The following VPS13A variants were observed in gnomAD, a reference collection of about 807,000 sequenced individuals.
VPS13A encodes intermembrane lipid transfer protein VPS13A.
VPS13A carries 264 observed loss-of-function variants against 390.9 expected under a neutral mutation model. The ratio of observed to expected loss-of-function variants is 0.68; its 90% CI spans 0.61 to 0.75. The LOEUF is 0.75. VPS13A is among the 30% of genes least tolerant of loss of function. The probability of loss-of-function intolerance (pLI) is 0.00; values close to 1 mark genes in which losing one functional copy is unlikely to be tolerated. For synonymous variants in VPS13A, 1,231 were observed against 1,227.1 expected, an observed-to-expected ratio of 1.00 and a Z score of -0.07; for missense variants, 3,409 against 3,733.9, an observed-to-expected ratio of 0.91 and a Z score of 2.27.
intron 68 of VPS13A, among the ~76,000 whole-genome samples, chr9:77,384,266 A>G (rs2131618340): frequency 6.6e-6 from 1 of 151,986 alleles, no homozygotes; most frequent in Middle Eastern, 3.4e-3. Context: ...TCTAGAAGGT[A>G]GCACATTATT....
intron 59 of VPS13A, among the ~76,000 whole-genome samples, chr9:77,363,645 A>T (rs1405339029): frequency 6.6e-6 from 1 of 152,000 alleles, no homozygotes; most frequent in Non-Finnish European, 1.5e-5. Flanking sequence ...GACCTCAGGA[A>T]AACTCCTATT....
At chr9:77,185,883 T>C (rs2131058744) in intron 1 of VPS13A, among the ~76,000 whole-genome samples, 1 of 152,304 alleles carries the variant, frequency 6.6e-6, no homozygotes, top group African/African-American at 2.4e-5. Context: ...TTCCAGCATT[T>C]TGGGGGACTG....
At chr9:77,369,475 T>A in intron 63 of VPS13A, 63 bp downstream of exon 63, 8 of 1,092,732 alleles carry the variant, frequency 7.3e-6, no homozygotes, top group South Asian at 1.2e-5. Flanking sequence ...GATAATACTT[T>A]TCTATTGTTA....
intron 68 of VPS13A, 75 bp from the exon 69 acceptor site, chr9:77,403,161 G>A: frequency 1.0e-6 from 1 of 1,002,168 alleles, no homozygotes; most frequent in East Asian, 2.4e-5. Context: ...GTTTTTAGAG[G>A]ACTATAAGGC....
chr9:77,237,489 C>T (rs62573192), intron 17 of VPS13A, among the ~76,000 whole-genome samples: 15,429 of 152,004 alleles, frequency 0.1, 808 homozygotes, highest in Middle Eastern at 0.13. Flanking sequence ...CTCAGCCTCC[C>T]GAGTAGCTGG....
chr9:77,303,607 T>C (rs1271211581), intron 34 of VPS13A, among the ~76,000 whole-genome samples: 3 of 152,134 alleles, frequency 2.0e-5, no homozygotes, highest in Non-Finnish European at 4.4e-5. Context: ...TTTTTATTGA[T>C]TATTATTTTC....
At chr9:77,220,435 A>G in intron 12 of VPS13A, 52 bp downstream of exon 12, 1 of 1,241,880 alleles carries the variant, frequency 8.1e-7, no homozygotes. Context: ...ACAACATAAA[A>G]ATAAATTTCT....
chr9:77,321,344 G>T lies in VPS13A; in HGVS notation c.5574+17G>T. On this transcript the variant is annotated intron_variant, in intron 43 of 71. Transcript: ENST00000360280. ...TTAGTCAAGGTAAGAAAAGAAATTTGAAACTTTAAATATTGAGATACTTGT... is the reference window on the plus strand; with the variant it reads ...TTAGTCAAGGTAAGAAAAGAAATTTTAAACTTTAAATATTGAGATACTTGT... 1 of 1,596,162 alleles carries T rather than the reference G, an allele frequency of 6.3e-7. No individual in the cohort carries two copies. The highest frequency in any genetic ancestry group is 1.1e-5 in the South Asian group (1 of 89,664).
chr9:77,396,956 A>G (rs2131637597), intron 68 of VPS13A, among the ~76,000 whole-genome samples: 1 of 152,344 alleles, frequency 6.6e-6, no homozygotes, highest in South Asian at 2.1e-4. Context: ...CTTGCTTGAT[A>G]GTATTCATTT....
At chr9:77,314,798 G>T (rs1026857920) in intron 37 of VPS13A, 134 bp downstream of exon 37, 3 of 786,264 alleles carry the variant, frequency 3.8e-6, no homozygotes, top group East Asian at 5.3e-5. Flanking sequence ...CAGTCAGCTC[G>T]TAGTACTCGG....
rs1833467167 is a variant in VPS13A, at chr9:77,382,023, T to C, written c.9125T>C (p.Phe3042Ser). Residue 3042 changes from phenylalanine to serine, a missense_variant, in exon 68 of 72, where the codon TTC becomes TCC. Phe to Ser is a radical substitution (Grantham distance 155). This residue lies in a region of VPS13A where 318 missense variants were observed against 333.7 expected (regional missense o/e 0.95). Coordinates refer to ENST00000360280, the MANE Select transcript of VPS13A (RefSeq NM_033305.3). ...GAGAGTCTGCGACCTCCTCGGTTCTTCAATGAAGATGGAGTTATCAGACCG... is the reference window on the plus strand; with the variant it reads ...GAGAGTCTGCGACCTCCTCGGTTCTCCAATGAAGATGGAGTTATCAGACCG... ...EVESLRPPRF[F>S]NEDGVIRPYR... The C allele has an allele frequency of 6.2e-7, 1 of 1,608,760 alleles. No homozygotes were observed. Among genetic ancestry groups the C allele is most frequent in the African/African-American group, 1.3e-5 (1 of 74,854 alleles).
chr9:77,247,179 T>C, intron 19 of VPS13A, 80 bp from the exon 20 acceptor site: 1 of 1,160,958 alleles, frequency 8.6e-7, no homozygotes, highest in Non-Finnish European at 1.2e-6. Context: ...GATTGTTTTA[T>C]CAGTTCATAT....
intron 42 of VPS13A, among the ~76,000 whole-genome samples, chr9:77,320,911 T>G (rs1829706813): frequency 6.6e-6 from 1 of 152,042 alleles, no homozygotes; most frequent in African/African-American, 2.4e-5. Context: ...ACATAGTAAT[T>G]TTAGGTTTTT....
At chr9:77,261,658 C>T (rs978854458) in intron 23 of VPS13A, among the ~76,000 whole-genome samples, 12 of 151,558 alleles carry the variant, frequency 7.9e-5, no homozygotes, top group African/African-American at 2.9e-4. Context: ...AACCTTGGCT[C>T]ACTGCAACCT....
chr9:77,197,193 C>T (rs1825054167), intron 1 of VPS13A, among the ~76,000 whole-genome samples: 1 of 152,070 alleles, frequency 6.6e-6, no homozygotes, highest in Admixed American at 6.5e-5. Context: ...TCACATATAT[C>T]CTGGAGAATG....
At chr9:77,308,555 G>A (rs1460758630) in intron 35 of VPS13A, among the ~76,000 whole-genome samples, 2 of 152,170 alleles carry the variant, frequency 1.3e-5, no homozygotes, top group Admixed American at 1.3e-4. Flanking sequence ...ATGATCATTA[G>A]TAGATGGTGG....
chr9:77,207,673 A>G (rs1045349330), intron 5 of VPS13A, among the ~76,000 whole-genome samples: 2 of 152,050 alleles, frequency 1.3e-5, no homozygotes, highest in African/African-American at 4.8e-5. Flanking sequence ...TGTTCTCACT[A>G]GGGTGGGAAA....
chr9:77,347,203 T>G (rs1269612991), intron 52 of VPS13A, among the ~76,000 whole-genome samples: 1 of 152,190 alleles, frequency 6.6e-6, no homozygotes, highest in African/African-American at 2.4e-5. Flanking sequence ...TTCAGGATTT[T>G]TTTTCTAGTT....
intron 68 of VPS13A, among the ~76,000 whole-genome samples, chr9:77,384,157 G>T (rs1563980479): frequency 6.6e-6 from 1 of 151,446 alleles, no homozygotes; most frequent in Non-Finnish European, 1.5e-5. Context: ...TGTTTCTCAT[G>T]TTATTTTCTT....
Sources: gnomAD v4.1 joint callset for allele counts (sites outside exome capture counted in the v4.1 genomes callset) on GRCh38, gnomAD v4.1.1 for gene constraint, gnomAD v4.1.1 regional missense constraint, MANE v1.5 for transcripts, NCBI Gene and HGNC (gene_info 2026-07-23, HGNC 2026-07-21) for gene names.